The following DLGAP1 variants were observed in gnomAD, a reference collection of about 807,000 sequenced individuals.
DLGAP1 encodes the protein DLG associated protein 1, also known as disks large-associated protein 1.
In DLGAP1, 11 loss-of-function variants were observed where a neutral mutation model predicts 90.8. That is an observed-to-expected ratio of 0.12 (90% CI 0.08 to 0.20). DLGAP1 has a LOEUF of 0.20. DLGAP1 is among the 10% of genes least tolerant of loss of function. The pLI, the probability that DLGAP1 is intolerant of heterozygous loss-of-function variation, is 1.00. For synonymous variants in DLGAP1, 558 were observed against 540.7 expected, an observed-to-expected ratio of 1.03 and a Z score of -0.44; for missense variants, 1,050 against 1,333.8, an observed-to-expected ratio of 0.79 and a Z score of 3.31.
At chr18:3,787,928 C>T (rs1286252030) in intron 5 of DLGAP1, among the ~76,000 whole-genome samples, 1 of 152,146 alleles carries the variant, frequency 6.6e-6, no homozygotes, top group African/African-American at 2.4e-5. Flanking sequence ...CCCTTTGGTT[C>T]TTTCCCAAGT....
chr18:4,326,010 A>G (rs2080809619), intron 1 of DLGAP1, among the ~76,000 whole-genome samples: 1 of 152,188 alleles, frequency 6.6e-6, no homozygotes, highest in African/African-American at 2.4e-5. Context: ...AAATTGATAA[A>G]TGGGATTTAA....
chr18:3,903,635 T>C (rs8095776), intron 3 of DLGAP1, among the ~76,000 whole-genome samples: 56,752 of 152,100 alleles, frequency 0.37, 11,280 homozygotes, highest in Admixed American at 0.48. Context: ...ATTTACAGCA[T>C]GTATTTCACT....
At chr18:4,265,313 C>T (rs566257747) in intron 1 of DLGAP1, among the ~76,000 whole-genome samples, 14 of 151,852 alleles carry the variant, frequency 9.2e-5, no homozygotes, top group Admixed American at 3.3e-4. Context: ...GGACTGCAGG[C>T]GACCACCACC....
chr18:4,129,904 A>G (rs1014170102), intron 2 of DLGAP1, among the ~76,000 whole-genome samples: 9 of 152,302 alleles, frequency 5.9e-5, no homozygotes, highest in Admixed American at 3.3e-4. Flanking sequence ...ATGCAACATA[A>G]TCAGTACTAT....
At chr18:4,436,820 T>C (rs1052569235) in intron 1 of DLGAP1, among the ~76,000 whole-genome samples, 12 of 152,198 alleles carry the variant, frequency 7.9e-5, no homozygotes, top group Non-Finnish European at 1.3e-4. Flanking sequence ...ATATTTTTCA[T>C]TGGTGTCTAA....
At chr18:3,796,025 A>C (rs1232414335) in intron 5 of DLGAP1, among the ~76,000 whole-genome samples, 5 of 152,192 alleles carry the variant, frequency 3.3e-5, no homozygotes, top group Non-Finnish European at 7.3e-5. Context: ...TAAGGAGTTA[A>C]GGACCAACAT....
At chr18:3,707,703 G>T (rs1207642053) in intron 7 of DLGAP1, among the ~76,000 whole-genome samples, 1 of 152,096 alleles carries the variant, frequency 6.6e-6, no homozygotes, top group Non-Finnish European at 1.5e-5. Context: ...ATATTTGTCT[G>T]TTTTCCTGCA....
intron 3 of DLGAP1, among the ~76,000 whole-genome samples, chr18:3,893,348 G>A (rs1268959152): frequency 6.6e-6 from 1 of 151,858 alleles, no homozygotes; most frequent in Non-Finnish European, 1.5e-5. Flanking sequence ...AGGCTGAGGC[G>A]GGTGGATCAC....
In DLGAP1 at chr18:3,660,531, G is replaced by A. The variant is rs559341900; in HGVS notation, c.1591+68604C>T. On this transcript the variant is annotated intron_variant, in intron 7 of 12. Transcript: ENST00000315677. This position sits in a 1 kb window ranked among gnomAD's most constrained non-coding sequence, Gnocchi z 4.2. ...ACTGAATGAAAAGGTGATCATTCCC[G>A]AGTATCCTCAAGGAGGATCTTATCA... Among the ~76,000 whole-genome samples the A allele has an allele frequency of 3.2e-4, 48 of 152,338 alleles. No individual in the cohort carries two copies. The highest frequency in any genetic ancestry group is 6.0e-4 in the Non-Finnish European group (41 of 68,038).
intron 1 of DLGAP1, among the ~76,000 whole-genome samples, chr18:4,286,386 T>C (rs923341051): frequency 5.3e-4 from 80 of 151,962 alleles, no homozygotes; most frequent in Admixed American, 2.4e-3. Flanking sequence ...ATGTTCAAGA[T>C]TTGGGGTCCC....
chr18:4,317,242 G>A (rs920864447), intron 1 of DLGAP1, among the ~76,000 whole-genome samples: 1 of 152,130 alleles, frequency 6.6e-6, no homozygotes, highest in African/African-American at 2.4e-5. Context: ...ACCTATTCAT[G>A]TAGGGCCGTC....
intron 4 of DLGAP1, among the ~76,000 whole-genome samples, chr18:3,845,834 G>GA (rs2068977642): frequency 6.6e-6 from 1 of 152,196 alleles, no homozygotes; most frequent in African/African-American, 2.4e-5. Flanking sequence ...AACAAACAGA[G>GA]AGATTTTAAG....
intron 1 of DLGAP1, among the ~76,000 whole-genome samples, chr18:4,176,087 T>C (rs2077102577): frequency 6.6e-6 from 1 of 152,210 alleles, no homozygotes; most frequent in Non-Finnish European, 1.5e-5. Context: ...CTTGTTGGTG[T>C]CCTCTCTTAT....
At chr18:3,664,423 T>C (rs550564827) in intron 7 of DLGAP1, among the ~76,000 whole-genome samples, 1 of 152,296 alleles carries the variant, frequency 6.6e-6, no homozygotes, top group African/African-American at 2.4e-5. Context: ...ATGACAGACA[T>C]AGTCAGCTGT....
In DLGAP1 at chr18:3,997,562, A is replaced by G. The variant is rs576854284; in HGVS notation, c.-73+7554T>C. ...TCCTCTGTCCAGTGTATTTCCTGTA[A>G]GGTGTCATTTAACATGTTCCTCTGT... is the stretch of plus-strand genomic sequence containing the variant. On this transcript the variant is annotated intron_variant, in intron 3 of 12. Coordinates refer to ENST00000315677, the MANE Select transcript of DLGAP1 (RefSeq NM_004746.4). Among the ~76,000 whole-genome samples, 5 of 152,208 alleles carry G rather than the reference A, an allele frequency of 3.3e-5. No individual in the cohort carries two copies. The South Asian group carries it at 1.0e-3, about 32-fold the overall frequency.
intron 7 of DLGAP1, among the ~76,000 whole-genome samples, chr18:3,627,909 G>A (rs1237885994): frequency 1.8e-5 from 2 of 112,014 alleles, no homozygotes; most frequent in Admixed American, 2.7e-4. Context: ...ATGGAGTCTC[G>A]CTCTGTTGTC....
intron 1 of DLGAP1, among the ~76,000 whole-genome samples, chr18:4,445,298 CT>C (rs71160965): frequency 0.1 from 15,057 of 148,038 alleles, 1,028 homozygotes; most frequent in African/African-American, 0.2. Flanking sequence ...TACCAATCAT[CT>C]TTTTTTTTTT....
intron 3 of DLGAP1, among the ~76,000 whole-genome samples, chr18:3,936,630 T>G (rs1305988488): frequency 6.6e-6 from 1 of 152,238 alleles, no homozygotes; most frequent in Non-Finnish European, 1.5e-5. Context: ...AAAGTTCTAT[T>G]GATTGATTCA....
At position 4,363,041 on chromosome 18, in the gene DLGAP1, G is replaced by A. The variant is rs575460575; in HGVS notation, c.-267+91965C>T. On this transcript the variant is annotated intron_variant, in intron 1 of 12. Coordinates refer to ENST00000315677, the MANE Select transcript of DLGAP1 (RefSeq NM_004746.4). ...AAAGCCAACATCACAGCTAACCTGC[G>A]TTTGCAACTCTAGTTGGAGCAAGCA... is the stretch of plus-strand genomic sequence containing the variant. Among the ~76,000 whole-genome samples, 12 of 152,124 alleles carry A rather than the reference G, an allele frequency of 7.9e-5. No individual in the cohort carries two copies. In the South Asian group the frequency reaches 2.1e-3, roughly 26 times the overall value.
Sources: gnomAD v4.1 joint callset for allele counts (sites outside exome capture counted in the v4.1 genomes callset) on GRCh38, gnomAD v4.1.1 for gene constraint, Gnocchi (gnomAD v3.1) non-coding constraint, MANE v1.5 for transcripts, NCBI Gene and HGNC (gene_info 2026-07-23, HGNC 2026-07-21) for gene names.